Variants in NRG1 observed in about 807,000 individuals in gnomAD.
NRG1 encodes pro-neuregulin-1, membrane-bound isoform.
In NRG1, 18 loss-of-function variants were observed where a neutral mutation model predicts 63.8. The observed-to-expected ratio is 0.28, with a 90% CI of 0.19 to 0.42. The LOEUF is 0.42. Among genes scored for constraint, NRG1 ranks in the 10% least tolerant of loss-of-function variants. NRG1 has a pLI of 1.00. For missense variants in NRG1, 762 were observed against 814.7 expected (o/e 0.94, Z 0.79); for synonymous variants, 302 against 301.3 (o/e 1.00, Z -0.02).
At chr8:31,814,523 C>T (rs554705029) in intron 1 of NRG1, among the ~76,000 whole-genome samples, 14 of 152,060 alleles carry the variant, frequency 9.2e-5, no homozygotes, top group Middle Eastern at 3.4e-3. Flanking sequence ...GCTAAATATT[C>T]GTAGAATCAG....
At chr8:32,178,788 A>G (rs1841090238) in intron 1 of NRG1, among the ~76,000 whole-genome samples, 2 of 152,084 alleles carry the variant, frequency 1.3e-5, no homozygotes, top group African/African-American at 4.8e-5. Context: ...TTTAGGAGGT[A>G]GGTTCGATAA....
At chr8:31,813,710 T>C (rs1823156474) in intron 1 of NRG1, among the ~76,000 whole-genome samples, 1 of 151,876 alleles carries the variant, frequency 6.6e-6, no homozygotes, top group Non-Finnish European at 1.5e-5. Flanking sequence ...GTATTTTTTG[T>C]CAAGACAAGG....
chr8:32,438,668 A>G (rs1819098112), intron 1 of NRG1, among the ~76,000 whole-genome samples: 1 of 152,146 alleles, frequency 6.6e-6, no homozygotes, highest in South Asian at 2.1e-4. Flanking sequence ...TGTGACAGCA[A>G]TTGTTTTTCT....
intron 1 of NRG1, among the ~76,000 whole-genome samples, chr8:31,832,249 G>GTTTTTTT (rs5890599): frequency 1.3e-4 from 18 of 136,138 alleles, no homozygotes; most frequent in Non-Finnish European, 1.7e-4. Flanking sequence ...AAATGCTCTA[G>GTTTTTTT]TTTTTTTTTT....
rs180974560 is a variant in NRG1, at chr8:32,626,629, A to G, written c.502+9744A>G. 2.3e-3 allele frequency among the ~76,000 whole-genome samples: 348 copies of G among 152,030 alleles called. 2 individuals carry two copies. The highest frequency in any genetic ancestry group is 7.7e-3 in the African/African-American group (321 of 41,470). On this transcript the variant is annotated intron_variant, in intron 5 of 11. Coordinates refer to ENST00000356819, the Ensembl canonical transcript of NRG1. ...TGGGAGGTGGAGTTTGCAGTGAGCC[A>G]AAATCGCGCCACTGCCCTCCAGCCT...
chr8:32,177,839 A>T (rs1394456315), intron 1 of NRG1, among the ~76,000 whole-genome samples: 3 of 152,140 alleles, frequency 2.0e-5, no homozygotes, highest in Non-Finnish European at 4.4e-5. Context: ...GCTATTGAAT[A>T]ATTGAGAAGT....
At chr8:31,950,895 G>A (rs1214607499) in intron 1 of NRG1, among the ~76,000 whole-genome samples, 1 of 152,148 alleles carries the variant, frequency 6.6e-6, no homozygotes, top group African/African-American at 2.4e-5. Context: ...AAAAACAACA[G>A]AAATATAAAG....
chr8:32,127,547 G>GTGTGTGTC (rs1237531062), intron 1 of NRG1, among the ~76,000 whole-genome samples: 2 of 151,420 alleles, frequency 1.3e-5, no homozygotes, highest in East Asian at 3.9e-4. Context: ...GTGTGTGTGT[G>GTGTGTGTC]TGTGTGTGTG....
intron 1 of NRG1, among the ~76,000 whole-genome samples, chr8:31,904,227 G>A (rs1832333612): frequency 6.6e-6 from 1 of 152,158 alleles, no homozygotes. Flanking sequence ...GACCCTGGGA[G>A]TCAATCCATA....
chr8:31,684,917 A>G (rs1031851654), intron 1 of NRG1, among the ~76,000 whole-genome samples: 5 of 152,322 alleles, frequency 3.3e-5, no homozygotes, highest in Admixed American at 2.6e-4. Context: ...ATATAAATAG[A>G]AATAGCCAAA....
chr8:31,678,549 C>A (rs1294469720), intron 1 of NRG1, among the ~76,000 whole-genome samples: 1 of 151,720 alleles, frequency 6.6e-6, no homozygotes, highest in Non-Finnish European at 1.5e-5. Flanking sequence ...TCTTCACTTA[C>A]GCTTTTTCCA....
chr8:32,285,875 G>GA (rs888024445), intron 1 of NRG1, among the ~76,000 whole-genome samples: 4 of 151,998 alleles, frequency 2.6e-5, no homozygotes, highest in Non-Finnish European at 4.4e-5. Context: ...TCAATGAAGT[G>GA]AAAAAAAGGC....
chr8:32,118,208 G>A (rs1183656284), intron 1 of NRG1, among the ~76,000 whole-genome samples: 1 of 152,090 alleles, frequency 6.6e-6, no homozygotes, highest in African/African-American at 2.4e-5. Flanking sequence ...AGGTGTTTGG[G>A]TCATGAGGGC....
At chr8:32,512,564 A>G (rs903456002) in intron 1 of NRG1, among the ~76,000 whole-genome samples, 10 of 152,216 alleles carry the variant, frequency 6.6e-5, no homozygotes, top group Admixed American at 6.5e-5. Flanking sequence ...TTTACCCTAC[A>G]TAACAACCTT....
intron 1 of NRG1, among the ~76,000 whole-genome samples, chr8:32,128,676 G>A (rs981817): frequency 0.42 from 63,313 of 151,672 alleles, 14,355 homozygotes; most frequent in Admixed American, 0.5. Flanking sequence ...TTTCCACACT[G>A]CAGCCAGCGT....
chr8:32,177,175 G>A (rs561398477), intron 1 of NRG1, among the ~76,000 whole-genome samples: 46 of 152,192 alleles, frequency 3.0e-4, no homozygotes, highest in African/African-American at 1.1e-3. Context: ...CATGTCCTTT[G>A]TAAGGACATG....
chr8:31,706,509 A>G (rs1168247972), intron 1 of NRG1, among the ~76,000 whole-genome samples: 3 of 152,182 alleles, frequency 2.0e-5, no homozygotes, highest in African/African-American at 7.2e-5. Context: ...ATTATAAACA[A>G]TACTGCAAAG....
chr8:32,707,700 T>C (rs1816770646), intron 5 of NRG1, among the ~76,000 whole-genome samples: 1 of 145,590 alleles, frequency 6.9e-6, no homozygotes, highest in South Asian at 2.3e-4. Context: ...AATAAAAATA[T>C]ATCTAATTGG....
intron 1 of NRG1, among the ~76,000 whole-genome samples, chr8:32,591,949 TAAAAAGAAA>T (rs1304303897): frequency 2.0e-5 from 3 of 150,796 alleles, no homozygotes; most frequent in African/African-American, 7.3e-5. Context: ...ATATAAAAGT[TAAAAAGAAA>T]AAAAAGAAAA....
Sources: gnomAD v4.1 joint callset for allele counts (sites outside exome capture counted in the v4.1 genomes callset) on GRCh38, gnomAD v4.1.1 for gene constraint, MANE v1.5 for transcripts, NCBI Gene and HGNC (gene_info 2026-07-23, HGNC 2026-07-21) for gene names.